Variants in JMJD1C observed in about 807,000 individuals in gnomAD.
JMJD1C encodes the protein jumonji domain containing 1C, also known as jumonji domain-containing protein 1C.
JMJD1C carries 31 observed loss-of-function variants against 245.3 expected under a neutral mutation model. That is an observed-to-expected ratio of 0.13 (90% confidence interval 0.09 to 0.17). The LOEUF is 0.17. Ranked by LOEUF, JMJD1C falls within the 10% of genes least tolerant of loss-of-function variation. JMJD1C has a pLI of 1.00. For synonymous variants in JMJD1C, 1,057 were observed against 1,017.4 expected, an observed-to-expected ratio of 1.04 and a Z score of -0.74; for missense variants, 2,691 against 3,000.2, an observed-to-expected ratio of 0.90 and a Z score of 2.41.
At chr10:63,295,551 G>C (rs1008118117) in intron 2 of JMJD1C, among the ~76,000 whole-genome samples, 2 of 152,058 alleles carry the variant, frequency 1.3e-5, no homozygotes, top group Non-Finnish European at 2.9e-5. Flanking sequence ...ATCAAGAAAG[G>C]GGTCTCTCTC....
rs568260062 is a variant in JMJD1C at position 63,457,355 on chromosome 10, T to C, written c.168+8140A>G. ...GCTGGTTTCACATGAAGATAATAAATTATACTTTAAACACTATTTCAAACC... is the reference window on the plus strand; with the variant it reads ...GCTGGTTTCACATGAAGATAATAAACTATACTTTAAACACTATTTCAAACC... On this transcript the variant is annotated intron_variant, in intron 1 of 25. Coordinates refer to ENST00000399262, the MANE Select transcript of JMJD1C (RefSeq NM_032776.3). Among the ~76,000 whole-genome samples the C allele has an allele frequency of 2.8e-4, 43 of 152,256 alleles. No individual in the cohort carries two copies. In the South Asian group the frequency reaches 8.7e-3, roughly 31 times the overall value.
intron 1 of JMJD1C, among the ~76,000 whole-genome samples, chr10:63,384,426 A>C (rs1440358871): frequency 6.6e-6 from 1 of 152,230 alleles, no homozygotes; most frequent in African/African-American, 2.4e-5. Flanking sequence ...CTTGAAAATC[A>C]AAATTATTCC....
intron 25 of JMJD1C, 62 bp downstream of exon 25, chr10:63,168,373 A>G: frequency 6.6e-7 from 1 of 1,511,302 alleles, no homozygotes; most frequent in Non-Finnish European, 8.9e-7. Flanking sequence ...GCTGTTATAC[A>G]TGTATCATAT....
At chr10:63,236,040 C>G (rs542177232) in intron 3 of JMJD1C, among the ~76,000 whole-genome samples, 1 of 152,104 alleles carries the variant, frequency 6.6e-6, no homozygotes, top group Non-Finnish European at 1.5e-5. Flanking sequence ...TGAAAATCCT[C>G]AAGAGTAATT....
At chr10:63,196,884 T>A (rs953721386) in intron 13 of JMJD1C, among the ~76,000 whole-genome samples, 1 of 152,148 alleles carries the variant, frequency 6.6e-6, no homozygotes, top group African/African-American at 2.4e-5. Context: ...GCAGCCTCCA[T>A]CTCCTGGGTT....
intron 2 of JMJD1C, among the ~76,000 whole-genome samples, chr10:63,300,395 C>T (rs1210988732): frequency 6.9e-6 from 1 of 144,560 alleles, no homozygotes; most frequent in African/African-American, 2.9e-5. Context: ...GAGATTTACA[C>T]ATCATCTAAG....
chr10:63,475,927 G>GT (rs1953646919), intron 1 of JMJD1C, among the ~76,000 whole-genome samples: 1 of 152,084 alleles, frequency 6.6e-6, no homozygotes, highest in Non-Finnish European at 1.5e-5. Flanking sequence ...GTTGATAATG[G>GT]GCTGGTAGCA....
At chr10:63,213,359 T>C in intron 8 of JMJD1C, 114 bp downstream of exon 8, 1 of 703,674 alleles carries the variant, frequency 1.4e-6, no homozygotes, top group Non-Finnish European at 2.3e-6. Context: ...AACCGAAAAA[T>C]TCTAACATAT....
intron 2 of JMJD1C, among the ~76,000 whole-genome samples, chr10:63,279,154 G>A (rs1480346498): frequency 6.6e-6 from 1 of 151,930 alleles, no homozygotes; most frequent in Non-Finnish European, 1.5e-5. Flanking sequence ...GGAGGCTGAG[G>A]CAGGAGAATC....
chr10:63,216,641 T>C (rs544446224), intron 5 of JMJD1C, among the ~76,000 whole-genome samples: 5 of 152,130 alleles, frequency 3.3e-5, no homozygotes, highest in East Asian at 1.9e-4. Context: ...ACCCAGGTGG[T>C]GGAGCTTACA....
At chr10:63,413,100 T>C (rs1949582664) in intron 1 of JMJD1C, among the ~76,000 whole-genome samples, 1 of 152,192 alleles carries the variant, frequency 6.6e-6, no homozygotes, top group Admixed American at 6.5e-5. Flanking sequence ...AGTTCAGTGT[T>C]ACCTTAAGAC....
At chr10:63,179,520 T>A (rs1843223131) in intron 22 of JMJD1C, among the ~76,000 whole-genome samples, 1 of 151,192 alleles carries the variant, frequency 6.6e-6, no homozygotes, top group Non-Finnish European at 1.5e-5. Flanking sequence ...CATCTGTAAC[T>A]CCAGCACTTT....
chr10:63,467,540 TAATA>T (rs541167686), upstream of JMJD1C, among the ~76,000 whole-genome samples: 74 of 152,292 alleles, frequency 4.9e-4, no homozygotes, highest in Middle Eastern at 6.8e-3. Context: ...AAAAAACCTG[TAATA>T]AATTAAAACA....
rs1187236787 is a variant in JMJD1C, at chr10:63,176,471, A to G, written c.7227T>C (p.Ile2409=). The change falls in exon 24 of 26, where the codon ATT becomes ATC. Residue 2409 remains isoleucine, a splice_region_variant and synonymous_variant. Transcript: ENST00000399262. ...GAACTTCAAGGCCTTGTTCTTTTGA[A>G]ATCTGAAATATGAATTAAAATAGAC... ...VDKIREFLQK[I]SKEQGLEVLP... 1 of 1,610,172 alleles carries G rather than the reference A, an allele frequency of 6.2e-7. No individual in the cohort carries two copies. Among genetic ancestry groups the G allele is most frequent in the Non-Finnish European group, 8.5e-7 (1 of 1,177,434 alleles).
At chr10:63,188,996 A>G (rs1284032455) in intron 18 of JMJD1C, among the ~76,000 whole-genome samples, 172 bp downstream of exon 18, 1 of 152,234 alleles carries the variant, frequency 6.6e-6, no homozygotes, top group Non-Finnish European at 1.5e-5. Flanking sequence ...AAAAACAGGA[A>G]TTGAGAAACA....
intron 2 of JMJD1C, among the ~76,000 whole-genome samples, chr10:63,313,156 T>C (rs570856835): frequency 6.6e-6 from 1 of 152,184 alleles, no homozygotes; most frequent in African/African-American, 2.4e-5. Flanking sequence ...TGCCTTTGCA[T>C]CCTCACAGCT....
chr10:63,365,476 A>C (rs1304472645), intron 2 of JMJD1C, among the ~76,000 whole-genome samples: 1 of 152,166 alleles, frequency 6.6e-6, no homozygotes, highest in Non-Finnish European at 1.5e-5. Context: ...TCTCAGTAAG[A>C]TTCAGTAATT....
At chr10:63,204,575 T>C in intron 10 of JMJD1C, 1 of 985,302 alleles carries the variant, frequency 1.0e-6, no homozygotes, top group African/African-American at 1.7e-5. Context: ...GAGAAACAAT[T>C]AAATTGCTCA....
In JMJD1C at chr10:63,208,728, G is replaced by C. The variant is rs1296464432; in HGVS notation, c.2941C>G (p.Leu981Val). The C allele has an allele frequency of 1.9e-6, 3 of 1,613,322 alleles. No homozygotes were observed. Among genetic ancestry groups the C allele is most frequent in the African/African-American group, 2.7e-5 (2 of 74,882 alleles). ...ASTSAKNDLDLNRSQTGKDCH... is the reference protein window; with the variant it reads ...ASTSAKNDLDVNRSQTGKDCH... ...TCTTTTCCAGTCTGTGACCTATTTAGATCCAGGTCATTTTTGGCTGATGTG... is the reference window on the plus strand; with the variant it reads ...TCTTTTCCAGTCTGTGACCTATTTACATCCAGGTCATTTTTGGCTGATGTG... The change falls in exon 10 of 26, where the codon CTA (leucine) becomes GTA (valine). Residue 981 changes from leucine (L) to valine (V), a missense_variant. By Grantham distance (32) the Leu-to-Val change is conservative (BLOSUM62 1). Transcript: ENST00000399262.
Sources: gnomAD v4.1 joint callset for allele counts (sites outside exome capture counted in the v4.1 genomes callset) on GRCh38, gnomAD v4.1.1 for gene constraint, MANE v1.5 for transcripts, NCBI Gene and HGNC (gene_info 2026-07-23, HGNC 2026-07-21) for gene names.